DGKB: variants seen among roughly 807,000 people sequenced by gnomAD.
DGKB encodes the protein 90 kDa diacylglycerol kinase.
DGKB carries 67 observed loss-of-function variants against 114.3 expected under a neutral mutation model. The observed-to-expected ratio is 0.59, with a 90% CI of 0.48 to 0.72. The LOEUF is 0.72. Among genes scored for constraint, DGKB ranks in the 30% least tolerant of loss-of-function variants. The probability of loss-of-function intolerance (pLI) is 0.00; values close to 1 mark genes in which losing one functional copy is unlikely to be tolerated. For synonymous variants in DGKB, 398 were observed against 323.1 expected, an observed-to-expected ratio of 1.23 and a Z score of -2.49; for missense variants, 907 against 975.2, an observed-to-expected ratio of 0.93 and a Z score of 0.93.
chr7:14,758,914 T>TAGAC (rs1835277614), intron 2 of DGKB, among the ~76,000 whole-genome samples: 5 of 148,844 alleles, frequency 3.4e-5, no homozygotes, highest in African/African-American at 1.3e-4. Context: ...GATAGATAGA[T>TAGAC]AGATAGATAG....
intron 21 of DGKB, among the ~76,000 whole-genome samples, chr7:14,363,065 G>A (rs951744174): frequency 6.6e-6 from 1 of 152,124 alleles, no homozygotes; most frequent in Non-Finnish European, 1.5e-5. Flanking sequence ...AATAAGCCCA[G>A]GATGGAAAAC....
chr7:14,967,612 C>T (rs1200544411), intron 1 of DGKB, among the ~76,000 whole-genome samples: 6 of 146,756 alleles, frequency 4.1e-5, no homozygotes, highest in South Asian at 2.1e-4. Context: ...CGAGCCACCG[C>T]GCCCAGCCCG....
intron 9 of DGKB, among the ~76,000 whole-genome samples, chr7:14,690,780 C>G (rs566746236): frequency 6.6e-6 from 1 of 151,986 alleles, no homozygotes; most frequent in Non-Finnish European, 1.5e-5. Flanking sequence ...AGTTATTCAA[C>G]AAAAAAAGTG....
chr7:14,774,090 G>A (rs1316753369), intron 2 of DGKB, among the ~76,000 whole-genome samples: 1 of 152,062 alleles, frequency 6.6e-6, no homozygotes, highest in African/African-American at 2.4e-5. Context: ...TCATAGGCTT[G>A]GGAGGAGTGC....
At chr7:14,857,520 A>C (rs1178291984) in intron 1 of DGKB, among the ~76,000 whole-genome samples, 1 of 152,174 alleles carries the variant, frequency 6.6e-6, no homozygotes. Context: ...TCGAAGCTGC[A>C]AAATTTGTGG....
rs140007418 is a variant in DGKB, at chr7:14,164,704, T to G, written c.2304+12135A>C. Among the ~76,000 whole-genome samples, 189 of 152,298 alleles carry G rather than the reference T, an allele frequency of 1.2e-3. 1 individual carries two copies. The highest frequency in any genetic ancestry group is 4.2e-3 in the African/African-American group (175 of 41,560). ...ATTTTCTGTAACACTTTGGCCGAAT[T>G]TCAAAGATGTCAAATACTGTCCCAC... is the stretch of plus-strand genomic sequence containing the variant. On this transcript the variant is annotated intron_variant, in intron 25 of 25. Transcript: ENST00000402815.
At chr7:14,325,262 T>A (rs1808515499) in intron 23 of DGKB, among the ~76,000 whole-genome samples, 1 of 152,122 alleles carries the variant, frequency 6.6e-6, no homozygotes, top group African/African-American at 2.4e-5. Context: ...GGTGATGTGG[T>A]CTCTGTTGCT....
chr7:14,322,097 G>C (rs1259283432), intron 23 of DGKB, among the ~76,000 whole-genome samples: 2 of 152,182 alleles, frequency 1.3e-5, no homozygotes, highest in African/African-American at 4.8e-5. Flanking sequence ...CGACCCATAG[G>C]GTAGAACAGG....
At chr7:14,160,969 AAAAC>A (rs1368752700) in intron 25 of DGKB, among the ~76,000 whole-genome samples, 15 of 152,286 alleles carry the variant, frequency 9.8e-5, no homozygotes, top group African/African-American at 2.2e-4. Context: ...CTACAAGAAA[AAAAC>A]AAACAACCCC....
chr7:14,194,428 C>T (rs1784738048), intron 23 of DGKB, among the ~76,000 whole-genome samples: 1 of 152,040 alleles, frequency 6.6e-6, no homozygotes, highest in Non-Finnish European at 1.5e-5. Context: ...ACCGTGTTAA[C>T]CGAAATAAGC....
chr7:14,453,413 A>G (rs1019652146), intron 21 of DGKB, among the ~76,000 whole-genome samples: 1 of 152,094 alleles, frequency 6.6e-6, no homozygotes, highest in African/African-American at 2.4e-5. Flanking sequence ...TCTCTATTCC[A>G]TGCATTTTGT....
intron 20 of DGKB, among the ~76,000 whole-genome samples, chr7:14,494,808 T>C (rs1289064292): frequency 6.6e-6 from 1 of 151,896 alleles, no homozygotes; most frequent in East Asian, 1.9e-4. Context: ...TCAAATTGTA[T>C]GTCTTTGTTT....
At chr7:14,775,348 C>T (rs1379455857) in intron 2 of DGKB, among the ~76,000 whole-genome samples, 3 of 151,824 alleles carry the variant, frequency 2.0e-5, no homozygotes, top group African/African-American at 7.3e-5. Context: ...TTCATGTTAA[C>T]AGTAAAATAA....
At chr7:14,531,663 A>AT (rs59216197) in intron 20 of DGKB, among the ~76,000 whole-genome samples, 29 of 149,886 alleles carry the variant, frequency 1.9e-4, no homozygotes, top group African/African-American at 4.1e-4. Context: ...ATGACAGCAG[A>AT]TTTTTTTTTT....
intron 12 of DGKB, among the ~76,000 whole-genome samples, chr7:14,676,037 G>A (rs1003383361): frequency 6.6e-6 from 1 of 152,060 alleles, no homozygotes; most frequent in Admixed American, 6.6e-5. Context: ...TGTGAAAAAT[G>A]TGTATCATTT....
Position 14,188,659 on chromosome 7 carries a change from CAAAAAAAA to C in DGKB, c.2123-10516_2123-10509del, listed in dbSNP as rs35808078. 3.5e-4 allele frequency among the ~76,000 whole-genome samples: 12 copies of C among 34,090 alleles called. 1 individual carries two copies. The highest frequency in any genetic ancestry group is 1.1e-3 in the African/African-American group (12 of 11,076). The allele number at this position is 34,090 out of a possible 152,430, so 22.4% of individuals were successfully genotyped here. The stretch of plus-strand genomic sequence containing the variant: ...TGGGCGACAAAGCGAGACTCCGTCT[CAAAAAAAA>C]AAAAAAAAAAAAAAAAAAGATCCCC... On this transcript the variant is annotated intron_variant, in intron 23 of 25. Transcript: ENST00000402815.
intron 2 of DGKB, among the ~76,000 whole-genome samples, chr7:14,838,441 C>A (rs1463706803): frequency 1.3e-5 from 2 of 152,108 alleles, no homozygotes; most frequent in East Asian, 3.9e-4. Flanking sequence ...TTCAACATAA[C>A]CTAAGCCAAA....
intron 13 of DGKB, among the ~76,000 whole-genome samples, chr7:14,660,547 T>C (rs1328430206): frequency 6.6e-6 from 1 of 152,098 alleles, no homozygotes; most frequent in Admixed American, 6.6e-5. Flanking sequence ...TTTGTATTTC[T>C]GTGGGATCGG....
At chr7:14,567,776 T>A (rs960343838) in intron 20 of DGKB, among the ~76,000 whole-genome samples, 1 of 150,580 alleles carries the variant, frequency 6.6e-6, no homozygotes, top group African/African-American at 2.4e-5. Context: ...CCAGCTAATT[T>A]TTGTATTTTT....
Sources: gnomAD v4.1 joint callset for allele counts (sites outside exome capture counted in the v4.1 genomes callset) on GRCh38, gnomAD v4.1.1 for gene constraint, MANE v1.5 for transcripts, NCBI Gene and HGNC (gene_info 2026-07-23, HGNC 2026-07-21) for gene names.